Variants in LOXHD1 observed in about 807,000 individuals in gnomAD.
The protein encoded by LOXHD1 is lipoxygenase homology domain-containing protein 1.
Under a neutral mutation model 248.2 loss-of-function variants are expected in LOXHD1, and 205 were observed. That is an observed-to-expected ratio of 0.83 (90% confidence interval 0.74 to 0.93). The LOEUF (loss-of-function observed/expected upper bound fraction) is 0.93, where lower values mean the gene tolerates loss of function less well. Among genes scored for constraint, LOXHD1 ranks in the 40% least tolerant of loss-of-function variants. The pLI is 0.00. For missense variants in LOXHD1, 2,930 were observed against 2,971.6 expected (o/e 0.99, Z 0.33); for synonymous variants, 1,113 against 1,162.8 (o/e 0.96, Z 0.87).
intron 19 of LOXHD1, 35 bp downstream of exon 19, chr18:46,560,048 T>TGCCACCCCC: frequency 8.2e-7 from 1 of 1,226,298 alleles, no homozygotes; most frequent in Non-Finnish European, 1.1e-6. Flanking sequence ...GTCTGGCCAC[T>TGCCACCCCC]CCCTCCCCAC....
chr18:46,656,708 C>G (rs1040631409), intron 1 of LOXHD1, among the ~76,000 whole-genome samples, 196 bp downstream of exon 1: 1 of 152,180 alleles, frequency 6.6e-6, no homozygotes, highest in Non-Finnish European at 1.5e-5. Context: ...CTCCACCTGT[C>G]TGTACAACAG....
At chr18:46,615,482 C>A (rs550231753) in intron 5 of LOXHD1, among the ~76,000 whole-genome samples, 3 of 152,244 alleles carry the variant, frequency 2.0e-5, no homozygotes, top group Admixed American at 1.3e-4. Context: ...ATAATTTATT[C>A]TTTAATTACT....
intron 40 of LOXHD1, among the ~76,000 whole-genome samples, chr18:46,482,266 C>G (rs1304993296): frequency 1.3e-5 from 2 of 152,292 alleles, no homozygotes; most frequent in African/African-American, 4.8e-5. Context: ...ACCCCCAATG[C>G]CATGGTATTT....
At chr18:46,642,081 C>T (rs1300078479) in intron 2 of LOXHD1, 45 bp from the exon 3 acceptor site, 2 of 1,531,940 alleles carry the variant, frequency 1.3e-6, no homozygotes, top group Non-Finnish European at 1.8e-6. Context: ...TGTTGGCTCA[C>T]AGGCCTGGGA....
intron 4 of LOXHD1, among the ~76,000 whole-genome samples, chr18:46,621,152 T>C (rs1419858478): frequency 1.3e-5 from 2 of 152,156 alleles, no homozygotes; most frequent in African/African-American, 4.8e-5. Flanking sequence ...GAACTTTCTA[T>C]GGCAGATGGG....
intron 1 of LOXHD1, among the ~76,000 whole-genome samples, chr18:46,650,832 G>T (rs768694016): frequency 3.3e-5 from 5 of 152,100 alleles, no homozygotes; most frequent in Admixed American, 6.5e-5. Context: ...GAAAGTACTG[G>T]ACTCCAGAGC....
chr18:46,478,273 A>ACTC (rs1207432025), intron 40 of LOXHD1, among the ~76,000 whole-genome samples: 1 of 151,386 alleles, frequency 6.6e-6, no homozygotes, highest in Non-Finnish European at 1.5e-5. Context: ...CTGGTCTGGA[A>ACTC]CTCCTGACCT....
chr18:46,559,838 G>A (rs996246429), intron 19 of LOXHD1, among the ~76,000 whole-genome samples: 1 of 152,138 alleles, frequency 6.6e-6, no homozygotes, highest in Non-Finnish European at 1.5e-5. Context: ...TCATATCAGG[G>A]CTCCTCCCAA....
rs555033368 is a variant in LOXHD1 at position 46,645,712 on chromosome 18, C to T, written c.245+3443G>A. Among the ~76,000 whole-genome samples the T allele has an allele frequency of 2.6e-5, 4 of 151,660 alleles. No individual in the cohort carries two copies. In the South Asian group the frequency reaches 8.4e-4, roughly 32 times the overall value. ...GAATGTAGGCACCAGACCACAAAGGCAAAGAAAATCAGCACTGGTACTGAA... is the reference window on the plus strand; with the variant it reads ...GAATGTAGGCACCAGACCACAAAGGTAAAGAAAATCAGCACTGGTACTGAA... On this transcript the variant is annotated intron_variant, in intron 2 of 40. Coordinates refer to ENST00000642948, the MANE Select transcript of LOXHD1 (RefSeq NM_001384474.1).
chr18:46,485,835 C>T (rs1175066844), intron 38 of LOXHD1, among the ~76,000 whole-genome samples: 1 of 152,166 alleles, frequency 6.6e-6, no homozygotes, highest in South Asian at 2.1e-4. Flanking sequence ...ATTTCCTCTC[C>T]CACCTTGTGT....
rs1167043206 is a variant in LOXHD1 at position 46,483,639 on chromosome 18, G to A, written c.6289C>T (p.Leu2097Phe). 6.4e-7 allele frequency: 1 copy of A among 1,551,634 alleles called. No individual in the cohort carries two copies. The change falls in exon 40 of 41, where the codon CTT (leucine) becomes TTT (phenylalanine). Residue 2097 changes from leucine (L) to phenylalanine (F), a missense_variant. Transcript: ENST00000642948. ...GTGATGGTCTTGACATGCCAGGCAA[G>A]TTCTCTCTTGGGGATAAACCGGTCT... Reference protein sequence around the residue: ...REDRFIPKRELAWHVKTITIT... With the variant: ...REDRFIPKREFAWHVKTITIT...
At chr18:46,541,020 T>A (rs547911620) in intron 25 of LOXHD1, among the ~76,000 whole-genome samples, 1 of 152,252 alleles carries the variant, frequency 6.6e-6, no homozygotes, top group South Asian at 2.1e-4. Context: ...TTAGAAAAAA[T>A]TATATGCTCT....
At chr18:46,538,514 T>G (rs2036418142) in intron 25 of LOXHD1, among the ~76,000 whole-genome samples, 177 bp from the exon 26 acceptor site, 1 of 152,160 alleles carries the variant, frequency 6.6e-6, no homozygotes, top group Non-Finnish European at 1.5e-5. Flanking sequence ...CAACTGCAGG[T>G]GGGGTCCTGT....
intron 12 of LOXHD1, among the ~76,000 whole-genome samples, chr18:46,586,284 G>T (rs1306719908): frequency 6.6e-6 from 1 of 152,160 alleles, no homozygotes; most frequent in African/African-American, 2.4e-5. Flanking sequence ...ACGGGTATGG[G>T]TTTTCTTTTT....
chr18:46,553,191 A>G (rs1321433053), intron 21 of LOXHD1, among the ~76,000 whole-genome samples: 1 of 152,156 alleles, frequency 6.6e-6, no homozygotes, highest in Non-Finnish European at 1.5e-5. Context: ...CCACTTTTCC[A>G]TGTTAACTAA....
intron 5 of LOXHD1, among the ~76,000 whole-genome samples, chr18:46,616,742 G>A (rs530256408): frequency 6.6e-6 from 1 of 152,232 alleles, no homozygotes; most frequent in South Asian, 2.1e-4. Context: ...TAGAATTATG[G>A]GGTGATATAT....
intron 37 of LOXHD1, among the ~76,000 whole-genome samples, chr18:46,495,815 T>C (rs975309567): frequency 1.3e-5 from 2 of 152,146 alleles, no homozygotes; most frequent in Non-Finnish European, 2.9e-5. Flanking sequence ...TGTAAGAAAC[T>C]GTTCATTTTA....
intron 25 of LOXHD1, among the ~76,000 whole-genome samples, chr18:46,539,383 C>G (rs944489038): frequency 6.6e-6 from 1 of 152,072 alleles, no homozygotes; most frequent in Non-Finnish European, 1.5e-5. Flanking sequence ...ATTGCTTGAA[C>G]CTGGGAGGTG....
intron 12 of LOXHD1, among the ~76,000 whole-genome samples, chr18:46,580,426 A>T (rs534386149): frequency 1.3e-5 from 2 of 152,370 alleles, no homozygotes; most frequent in South Asian, 4.1e-4. Flanking sequence ...TCACTGTGGG[A>T]AGGGCAGCAA....
Sources: gnomAD v4.1 joint callset for allele counts (sites outside exome capture counted in the v4.1 genomes callset) on GRCh38, gnomAD v4.1.1 for gene constraint, MANE v1.5 for transcripts, NCBI Gene and HGNC (gene_info 2026-07-23, HGNC 2026-07-21) for gene names.